Variants in DDO observed in about 807,000 individuals in gnomAD.
The protein encoded by DDO is D-aspartate oxidase, DDO.
DDO carries 16 observed loss-of-function variants against 16.8 expected under a neutral mutation model. That is an observed-to-expected ratio of 0.95 (90% CI 0.65 to 1.45). The LOEUF is 1.45. DDO is among the 40% of genes most tolerant of loss of function. DDO has a pLI of 0.00. For missense variants in DDO, 429 were observed against 420.3 expected (o/e 1.02, Z -0.18); for synonymous variants, 180 against 167.2 (o/e 1.08, Z -0.59).
chr6:110,412,859 C>T (rs543080097), intron 2 of DDO, among the ~76,000 whole-genome samples: 24 of 152,262 alleles, frequency 1.6e-4, no homozygotes, highest in Admixed American at 1.2e-3. Flanking sequence ...ATGTTAAAAC[C>T]GCACATTATG....
At position 110,392,230 on chromosome 6, in the gene DDO, A is replaced by G; in HGVS notation, c.*545T>C. 1.0e-6 allele frequency: 1 copy of G among 985,474 alleles called. No homozygotes were observed. The highest frequency in any genetic ancestry group is 1.2e-6 in the Non-Finnish European group (1 of 829,950). The allele number at this position is 985,474 out of a possible 1,614,324, so 61.0% of individuals were successfully genotyped here. On this transcript the variant is annotated 3_prime_UTR_variant, in exon 5 of 5. Coordinates refer to ENST00000368924, the MANE Select transcript of DDO (RefSeq NM_001372108.2). ...GAGGAATTATGTTGCTGACTTGGCT[A>G]TAACCTAAGAAGATCACAGGCAGCT...
rs1444258490 is a variant in DDO, at chr6:110,393,332, T to C, written c.469A>G (p.Ser157Gly). 6.2e-7 allele frequency: 1 copy of C among 1,600,346 alleles called. No individual in the cohort carries two copies. Among genetic ancestry groups the C allele is most frequent in the Non-Finnish European group, 8.5e-7 (1 of 1,170,860 alleles). ...CGCCGAGTGAGTGTCCAGCCTCCAC[T>C]TCCCTTTATCCTACGGAAGAGAGGC... is the stretch of plus-strand genomic sequence containing the variant. ...LPWLEKRIKG[S>G]GGWTLTRRIE... Residue 157 changes from serine (S) to glycine (G), a missense_variant, in exon 5 of 5, where the codon AGT becomes GGT. Ser to Gly is a moderately conservative substitution (Grantham distance 56, BLOSUM62 0). Coordinates refer to ENST00000368924, the MANE Select transcript of DDO (RefSeq NM_001372108.2).
Position 110,392,812 on chromosome 6 carries a change from T to G in DDO, c.989A>C (p.His330Pro). ...CTTGGGAATGGGGGTCCTGAGGGCATGGACACACTCGCTCACCAGCCTGGC... is the reference window on the plus strand; with the variant it reads ...CTTGGGAATGGGGGTCCTGAGGGCAGGGACACACTCGCTCACCAGCCTGGC... Reference protein sequence around the residue: ...EAARLVSECVHALRTPIPKSN... With the variant: ...EAARLVSECVPALRTPIPKSN... Residue 330 changes from histidine to proline, a missense_variant, in exon 5 of 5, where the codon CAT becomes CCT. Coordinates refer to ENST00000368924, the MANE Select transcript of DDO (RefSeq NM_001372108.2). 6.3e-7 allele frequency: 1 copy of G among 1,599,474 alleles called. No homozygotes were observed.
chr6:110,393,122 C>T lies in DDO; in HGVS notation c.679G>A (p.Gly227Ser). 5.0e-6 allele frequency: 8 copies of T among 1,614,010 alleles called. No individual in the cohort carries two copies. Among genetic ancestry groups the T allele is most frequent in the Non-Finnish European group, 6.8e-6 (8 of 1,179,856 alleles). Reference protein sequence around the residue: ...DGSGLTYIYPGTSHVTLGGTR... With the variant: ...DGSGLTYIYPSTSHVTLGGTR... The stretch of plus-strand genomic sequence containing the variant: ...CCACCTAGGGTTACATGGGATGTAC[C>T]AGGATAAATATATGTCAGCCCACTG... Residue 227 changes from glycine (G) to serine (S), a missense_variant, in exon 5 of 5, where the codon GGT (glycine) becomes AGT (serine). Transcript: ENST00000368924.
chr6:110,400,598 C>T (rs562960020), intron 4 of DDO, among the ~76,000 whole-genome samples: 4 of 152,358 alleles, frequency 2.6e-5, no homozygotes, highest in African/African-American at 9.6e-5. Context: ...CTCCCCAGGG[C>T]CTTATCAACA....
At chr6:110,391,745 G>A (rs1773106693), downstream of DDO, 1 of 152,130 alleles carries the variant, frequency 6.6e-6, no homozygotes, top group South Asian at 2.1e-4. Flanking sequence ...CACATTAGAG[G>A]CTCTGAGTAG....
chr6:110,400,114 C>A (rs912259724), intron 4 of DDO, among the ~76,000 whole-genome samples: 1 of 152,150 alleles, frequency 6.6e-6, no homozygotes, highest in Admixed American at 6.5e-5. Flanking sequence ...CAGCCCAGGA[C>A]GGGGTGGCAG....
intron 4 of DDO, among the ~76,000 whole-genome samples, chr6:110,401,945 T>G (rs151157457): frequency 6.6e-6 from 1 of 152,346 alleles, no homozygotes; most frequent in African/African-American, 2.4e-5. Flanking sequence ...TAAACTGATA[T>G]CATCTTCCTC....
chr6:110,409,736 C>T (rs1478990142), intron 2 of DDO, among the ~76,000 whole-genome samples: 4 of 152,190 alleles, frequency 2.6e-5, no homozygotes, highest in South Asian at 2.1e-4. Context: ...GCAGAGAGAA[C>T]TAAATTTGGC....
chr6:110,405,033 G>A (rs17492667), intron 3 of DDO, 83 bp from the exon 4 acceptor site: 248,843 of 1,300,788 alleles, frequency 0.19, 26,547 homozygotes, highest in Middle Eastern at 0.26. Context: ...ATTCTCTAGA[G>A]CATTTATTTT....
At chr6:110,413,785 T>C (rs1554221304) in intron 1 of DDO, among the ~76,000 whole-genome samples, 3 of 152,072 alleles carry the variant, frequency 2.0e-5, no homozygotes, top group South Asian at 2.1e-4. Context: ...CCCTTTTTTT[T>C]CCCCCTGAAA....
intron 4 of DDO, among the ~76,000 whole-genome samples, chr6:110,404,402 A>T (rs1259933811): frequency 6.6e-6 from 1 of 152,050 alleles, no homozygotes; most frequent in East Asian, 1.9e-4. Flanking sequence ...CCAAAGAATT[A>T]GAGTAAATCA....
Position 110,404,802 on chromosome 6 carries a change from G to A in DDO, c.430C>T (p.Pro144Ser), listed in dbSNP as rs1311123298. The change falls in exon 4 of 5, where the codon CCT (proline) becomes TCT (serine). Residue 144 changes from proline (P) to serine (S), a missense_variant. Coordinates refer to ENST00000368924, the MANE Select transcript of DDO (RefSeq NM_001372108.2). Reference protein sequence around the residue: ...QAFTTLKCECPAYLPWLEKRI... With the variant: ...QAFTTLKCECSAYLPWLEKRI... ...TTCTCCAACCACGGGAGGTAGGCAG[G>A]GCATTCACATTTCAGGGTTGTAAAA... The A allele has an allele frequency of 1.2e-6, 2 of 1,614,104 alleles. No homozygotes were observed. Among genetic ancestry groups the A allele is most frequent in the African/African-American group, 2.7e-5 (2 of 75,010 alleles).
At chr6:110,407,190 C>T (rs1212309958) in intron 3 of DDO, among the ~76,000 whole-genome samples, 1 of 152,146 alleles carries the variant, frequency 6.6e-6, no homozygotes, top group African/African-American at 2.4e-5. Flanking sequence ...ATGGCTGTTT[C>T]CAAAAATTAC....
intron 4 of DDO, among the ~76,000 whole-genome samples, chr6:110,394,111 T>C (rs968332552): frequency 1.3e-5 from 2 of 151,946 alleles, no homozygotes; most frequent in Non-Finnish European, 2.9e-5. Flanking sequence ...TCAGAATATT[T>C]TTTTTTTTTC....
chr6:110,407,477 C>CACT (rs1488676363), intron 3 of DDO, among the ~76,000 whole-genome samples: 12 of 152,208 alleles, frequency 7.9e-5, no homozygotes, highest in Non-Finnish European at 1.5e-4. Flanking sequence ...CAAGTGTGTA[C>CACT]ACTAGACTAG....
At chr6:110,410,680 T>C (rs548202180) in intron 2 of DDO, among the ~76,000 whole-genome samples, 2 of 152,276 alleles carry the variant, frequency 1.3e-5, no homozygotes, top group South Asian at 4.1e-4. Context: ...CTCACTATCA[T>C]GAGAACAGCA....
chr6:110,407,446 A>T (rs188464535), intron 3 of DDO, among the ~76,000 whole-genome samples: 1 of 152,182 alleles, frequency 6.6e-6, no homozygotes, highest in South Asian at 2.1e-4. Context: ...GAAGAGAAAA[A>T]GGGTAGAAAT....
Position 110,392,086 on chromosome 6 carries a change from T to C in DDO, c.*689A>G. 1.4e-6 allele frequency: 1 copy of C among 696,602 alleles called. No individual in the cohort carries two copies. The highest frequency in any genetic ancestry group is 1.8e-6 in the Non-Finnish European group (1 of 566,196). 43.2% of individuals were successfully genotyped at this position (696,602 alleles called of 1,614,324 possible). On this transcript the variant is annotated 3_prime_UTR_variant, in exon 5 of 5. Transcript: ENST00000368924. ...CATAGGCAACTTCATCTCTGTCTCCTACCATCATTACCAGCTGAGGGGAGG... is the reference window on the plus strand; with the variant it reads ...CATAGGCAACTTCATCTCTGTCTCCCACCATCATTACCAGCTGAGGGGAGG...
Sources: allele counts gnomAD v4.1 joint callset (sites outside exome capture counted in the v4.1 genomes callset), GRCh38; gene constraint gnomAD v4.1.1; transcripts MANE v1.5; gene names NCBI Gene and HGNC (gene_info 2026-07-23, HGNC 2026-07-21).